Variants in YEATS4 observed in about 807,000 individuals in gnomAD.
YEATS4 encodes the protein YEATS domain containing 4.
In YEATS4, 17 loss-of-function variants were observed where a neutral mutation model predicts 30.1. The observed-to-expected ratio is 0.56, with a 90% confidence interval of 0.39 to 0.85. The LOEUF (loss-of-function observed/expected upper bound fraction) is 0.85, where lower values mean the gene tolerates loss of function less well. Among genes scored for constraint, YEATS4 ranks in the 40% least tolerant of loss-of-function variants. YEATS4 has a pLI of 0.00. For missense variants in YEATS4, 142 were observed against 268.3 expected, an observed-to-expected ratio of 0.53 and a Z score of 3.29; for synonymous variants, 85 against 87.5, an observed-to-expected ratio of 0.97 and a Z score of 0.16.
rs542692926 is a variant in YEATS4 at position 69,362,611 on chromosome 12, C to T, written c.52-177C>T. On this transcript the variant is annotated intron_variant, in intron 1 of 6. Transcript: ENST00000247843. ...AGAGGGAACATTGTAATTATTCTGG[C>T]GTTTTTTGTGTTAATATGAAAGGAT... Among the ~76,000 whole-genome samples the T allele has an allele frequency of 2.6e-5, 4 of 152,142 alleles. No individual in the cohort carries two copies. In the East Asian group the frequency reaches 5.8e-4, roughly 22 times the overall value.
chr12:69,365,563 A>T (rs1418546339), intron 2 of YEATS4, 70 bp from the exon 3 acceptor site: 1 of 1,099,110 alleles, frequency 9.1e-7, no homozygotes, highest in Non-Finnish European at 1.4e-6. Context: ...CTAAGTATAT[A>T]CGCTCAGTGT....
intron 1 of YEATS4, among the ~76,000 whole-genome samples, chr12:69,361,143 A>G (rs925455900): frequency 6.6e-6 from 1 of 151,762 alleles, no homozygotes; most frequent in Non-Finnish European, 1.5e-5. Flanking sequence ...AGTTGCAGTG[A>G]GCTGAGATCG....
the YEATS4 span, chr12:69,422,630 CAAAAAA>C: frequency 4.9e-5 from 2 of 40,484 alleles, no homozygotes; most frequent in Non-Finnish European, 9.3e-5. Flanking sequence ...GACCCTGTCT[CAAAAAA>C]AAAAAAAAAA....
intron 6 of YEATS4, among the ~76,000 whole-genome samples, chr12:69,383,835 G>A (rs10878972): frequency 6.6e-6 from 1 of 152,158 alleles, no homozygotes; most frequent in East Asian, 1.9e-4. Flanking sequence ...AAGAGGAGCA[G>A]TAGTCTTTGA....
intron 6 of YEATS4, among the ~76,000 whole-genome samples, chr12:69,386,235 A>C (rs149696683): frequency 6.6e-6 from 1 of 152,330 alleles, no homozygotes; most frequent in African/African-American, 2.4e-5. Context: ...GCAGTCTTAC[A>C]AGTTGTCAAA....
At chr12:69,377,181 A>G (rs146950389) in intron 6 of YEATS4, among the ~76,000 whole-genome samples, 1,829 of 151,658 alleles carry the variant, frequency 0.012, 18 homozygotes, top group Non-Finnish European at 0.02. Context: ...AATTTTATTT[A>G]TTTTTACTCT....
the YEATS4 span, among the ~76,000 whole-genome samples, chr12:69,407,637 G>C: frequency 1.4e-5 from 2 of 147,146 alleles, no homozygotes; most frequent in Non-Finnish European, 3.0e-5. Context: ...AGAATGTCAT[G>C]ATGCAGATGG....
chr12:69,417,360 A>T, the YEATS4 span, among the ~76,000 whole-genome samples: 1 of 151,118 alleles, frequency 6.6e-6, no homozygotes, highest in African/African-American at 2.4e-5. Flanking sequence ...GCATCTCACT[A>T]TGTGGCCCAG....
the YEATS4 span, among the ~76,000 whole-genome samples, chr12:69,412,593 C>T: frequency 6.6e-6 from 1 of 152,216 alleles, no homozygotes; most frequent in East Asian, 1.9e-4. Context: ...GTGGAGGTTG[C>T]AGTGAGCCAA....
At chr12:69,406,960 A>G in the YEATS4 span, among the ~76,000 whole-genome samples, 1 of 151,860 alleles carries the variant, frequency 6.6e-6, no homozygotes, top group African/African-American at 2.4e-5. Flanking sequence ...GACCACAGGC[A>G]TGCACCACCA....
At chr12:69,381,906 A>G (rs1352557692) in intron 6 of YEATS4, among the ~76,000 whole-genome samples, 1 of 152,208 alleles carries the variant, frequency 6.6e-6, no homozygotes, top group Non-Finnish European at 1.5e-5. Context: ...ATGTAATTCC[A>G]CAATTTACTA....
chr12:69,419,931 G>A, the YEATS4 span, among the ~76,000 whole-genome samples: 201 of 152,358 alleles, frequency 1.3e-3, 2 homozygotes, highest in African/African-American at 4.8e-3. Flanking sequence ...TGTTAGGTAG[G>A]TGTCAAAAAG....
chr12:69,419,364 T>C, the YEATS4 span, among the ~76,000 whole-genome samples: 1 of 151,802 alleles, frequency 6.6e-6, no homozygotes, highest in Admixed American at 6.6e-5. Flanking sequence ...GTGGCTACAG[T>C]TGTGCCCCAC....
At position 69,390,858 on chromosome 12, in the gene YEATS4, T is replaced by C. The variant is rs1868309437; in HGVS notation, c.*542T>C. The C allele has an allele frequency of 6.6e-6, 1 of 152,258 alleles. No individual in the cohort carries two copies. The highest frequency in any genetic ancestry group is 2.1e-4 in the South Asian group (1 of 4,828). The allele number at this position is 152,258 out of a possible 1,614,324, so 9.4% of individuals were successfully genotyped here. On this transcript the variant is annotated 3_prime_UTR_variant, in exon 7 of 7. Transcript: ENST00000247843. ...CTTTCTGGAACTCCCTCAATACAGTTAAAGTATCTTTATAGTATTGTGACA... is the reference window on the plus strand; with the variant it reads ...CTTTCTGGAACTCCCTCAATACAGTCAAAGTATCTTTATAGTATTGTGACA...
At chr12:69,365,915 A>G (rs1335771555) in intron 4 of YEATS4, 31 bp downstream of exon 4, 1 of 1,462,202 alleles carries the variant, frequency 6.8e-7, no homozygotes, top group Non-Finnish European at 9.3e-7. Context: ...TAAATATAAA[A>G]TAGATTTCTT....
At chr12:69,376,076 T>A (rs1229757205) in intron 6 of YEATS4, among the ~76,000 whole-genome samples, 4 of 152,100 alleles carry the variant, frequency 2.6e-5, no homozygotes. Context: ...AAATATAATA[T>A]CATCTACAGG....
At position 69,362,859 on chromosome 12, in the gene YEATS4, T is replaced by C; in HGVS notation, c.123T>C (p.Asp41=). 2 of 1,612,706 alleles carry C rather than the reference T, an allele frequency of 1.2e-6. No individual in the cohort carries two copies. The highest frequency in any genetic ancestry group is 1.7e-6 in the Non-Finnish European group (2 of 1,179,228). Residue 41 remains aspartate (D), a synonymous_variant, in exon 2 of 7, where the codon GAT becomes GAC. Coordinates refer to ENST00000247843, the MANE Select transcript of YEATS4 (RefSeq NM_006530.4). ...ATTTTGGAAAGAAAAGAGAAGAAGA[T>C]GGGCACACTCATCAGTGGACAGTAT... ...ARYFGKKREE[D]GHTHQWTVYV...
chr12:69,386,374 C>T (rs554420072), intron 6 of YEATS4, among the ~76,000 whole-genome samples: 1 of 152,198 alleles, frequency 6.6e-6, no homozygotes, highest in Non-Finnish European at 1.5e-5. Flanking sequence ...ATACAGGACT[C>T]CTTGTCTTTA....
At chr12:69,420,922 C>T in the YEATS4 span, among the ~76,000 whole-genome samples, 2 of 152,136 alleles carry the variant, frequency 1.3e-5, no homozygotes, top group Non-Finnish European at 2.9e-5. Flanking sequence ...TCTTTTGTGT[C>T]TTTCATTTGG....
Sources: gnomAD v4.1 joint callset for allele counts (sites outside exome capture counted in the v4.1 genomes callset) on GRCh38, gnomAD v4.1.1 for gene constraint, MANE v1.5 for transcripts, NCBI Gene and HGNC (gene_info 2026-07-23, HGNC 2026-07-21) for gene names.